Variants in CACNB3 observed in about 807,000 individuals in gnomAD.
CACNB3 encodes the protein calcium voltage-gated channel auxiliary subunit beta 3.
In CACNB3, 36 loss-of-function variants were observed where a neutral mutation model predicts 63.7. The observed-to-expected ratio is 0.57, with a 90% CI of 0.43 to 0.75. The LOEUF is 0.75. CACNB3 is among the 30% of genes least tolerant of loss of function. CACNB3 has a pLI of 0.00. For missense variants in CACNB3, 493 were observed against 648.6 expected (o/e 0.76, Z 2.61); for synonymous variants, 241 against 250.6 (o/e 0.96, Z 0.36).
chr12:48,822,373 CTG>C (rs887553508), intron 1 of CACNB3, among the ~76,000 whole-genome samples: 26 of 152,200 alleles, frequency 1.7e-4, no homozygotes, highest in Admixed American at 1.2e-3. Flanking sequence ...AGGCTGAACT[CTG>C]TGACCGTCAA....
intron 1 of CACNB3, chr12:48,819,986 G>A (rs1372193821): frequency 4.3e-6 from 1 of 234,014 alleles, no homozygotes; most frequent in Non-Finnish European, 8.8e-6. Context: ...TGGCTTGGAA[G>A]GGGCCCCAAT....
At chr12:48,821,898 A>G (rs1157743262) in intron 1 of CACNB3, among the ~76,000 whole-genome samples, 5 of 152,182 alleles carry the variant, frequency 3.3e-5, no homozygotes, top group African/African-American at 1.2e-4. Flanking sequence ...GGTCTACTAT[A>G]GACACTGTCT....
In CACNB3 at chr12:48,827,748, A is replaced by C. The variant is rs1592195082; in HGVS notation, c.1304A>C (p.Asp435Ala). 1.2e-6 allele frequency: 2 copies of C among 1,614,116 alleles called. No individual in the cohort carries two copies. The highest frequency in any genetic ancestry group is 1.7e-6 in the Non-Finnish European group (2 of 1,180,006). Residue 435 changes from aspartate (D) to alanine (A), a missense_variant, in exon 13 of 13, where the codon GAC becomes GCC. Physicochemically the swap from Asp to Ala is moderately radical, Grantham distance 126 (BLOSUM62 -2). Transcript: ENST00000301050. ...GAGGACTATGCAGATGCCTACCAGGACCTGTACCAGCCTCACCGCCAACAC... is the reference window on the plus strand; with the variant it reads ...GAGGACTATGCAGATGCCTACCAGGCCCTGTACCAGCCTCACCGCCAACAC... ...LEEDYADAYQ[D>A]LYQPHRQHTS... is the part of the protein sequence containing the mutation.
In CACNB3 at chr12:48,818,793, GCT is replaced by G; in HGVS notation, c.-131_-130del. The G allele has an allele frequency of 7.4e-7, 1 of 1,354,536 alleles. No individual in the cohort carries two copies. The highest frequency in any genetic ancestry group is 1.6e-5 in the African/African-American group (1 of 64,324). The allele number at this position is 1,354,536 out of a possible 1,614,324, so 83.9% of individuals were successfully genotyped here. A position where few individuals can be genotyped will look rare whatever the true frequency, so the allele number is the denominator to read the frequency against. On this transcript the variant is annotated 5_prime_UTR_variant, in exon 1 of 13. Transcript: ENST00000301050. The surrounding 1 kb of genome is among the most constrained non-coding windows in gnomAD (Gnocchi z 4.3). ...CTTCGCGGCTCGCTCCCTCCTTCGC[GCT>G]CTCTCGCTCCCTGCCGCCGCCCGCA...
rs1938268759 is a variant in CACNB3, at chr12:48,828,481, G to C, written c.*582G>C. 8.5e-6 allele frequency: 3 copies of C among 352,302 alleles called. No individual in the cohort carries two copies. Among genetic ancestry groups the C allele is most frequent in the Non-Finnish European group, 1.7e-5 (3 of 177,762 alleles). 21.8% of individuals were successfully genotyped at this position (352,302 alleles called of 1,614,324 possible). On this transcript the variant is annotated 3_prime_UTR_variant, in exon 13 of 13. Coordinates refer to ENST00000301050, the MANE Select transcript of CACNB3 (RefSeq NM_000725.4). ...ACATCCAAGACTGGAGCAGCAGGCT[G>C]GCCACGCTCGGGCCAGAGAGAGCTC...
At chr12:48,824,053 CT>C (rs1224564006) in intron 3 of CACNB3, 8 of 661,404 alleles carry the variant, frequency 1.2e-5, no homozygotes, top group East Asian at 1.1e-4. Context: ...CCGAGGTCCC[CT>C]GTGACAGCTG....
intron 4 of CACNB3, 34 bp downstream of exon 4, chr12:48,824,407 C>A: frequency 1.3e-6 from 2 of 1,540,416 alleles, no homozygotes; most frequent in Non-Finnish European, 8.8e-7. Flanking sequence ...TAAACACACC[C>A]CAAACACTTG....
At position 48,823,392 on chromosome 12, in the gene CACNB3, T is replaced by C; in HGVS notation, c.94T>C (p.Ser32Pro). 6.2e-7 allele frequency: 1 copy of C among 1,614,070 alleles called. No homozygotes were observed. Among genetic ancestry groups the C allele is most frequent in the South Asian group, 1.1e-5 (1 of 91,072 alleles). ...TSRPSLDSDV[S>P]LEEDRESARR... is the part of the protein sequence containing the mutation. ...CCGCCCATCTCTGGACTCAGACGTC[T>C]CCCTGGAGGAGGACCGGGAGAGTGC... Residue 32 changes from serine (S) to proline (P), a missense_variant, in exon 2 of 13, where the codon TCC becomes CCC. Coordinates refer to ENST00000301050, the MANE Select transcript of CACNB3 (RefSeq NM_000725.4). This position sits in a 1 kb window ranked among gnomAD's most constrained non-coding sequence, Gnocchi z 4.2.
At position 48,827,653 on chromosome 12, in the gene CACNB3, T is replaced by C. The variant is rs756322593; in HGVS notation, c.1209T>C (p.Ser403=). The part of the protein sequence containing the change: ...SPLERDSLMP[S]DEASESSRQA... Reference sequence around the variant, plus strand: ...TTGAGCGGGACAGCTTGATGCCCTCTGATGAGGCCAGCGAGAGCTCCCGCC... The same window carrying C: ...TTGAGCGGGACAGCTTGATGCCCTCCGATGAGGCCAGCGAGAGCTCCCGCC... The change falls in exon 13 of 13, where the codon TCT becomes TCC. Residue 403 remains serine (S), a synonymous_variant. Coordinates refer to ENST00000301050, the MANE Select transcript of CACNB3 (RefSeq NM_000725.4). 1.1e-4 allele frequency: 175 copies of C among 1,613,674 alleles called. No homozygotes were observed. The highest frequency in any genetic ancestry group is 1.6e-4 in the Middle Eastern group (1 of 6,084).
upstream of CACNB3, chr12:48,815,346 AG>A (rs1942259400): frequency 3.7e-5 from 13 of 355,314 alleles, 2 homozygotes; most frequent in South Asian, 4.0e-4. Context: ...CCGAGGAGCG[AG>A]GGTGCGACGT....
chr12:48,824,551 C>A, intron 4 of CACNB3, 118 bp from the exon 5 acceptor site: 2 of 1,116,338 alleles, frequency 1.8e-6, no homozygotes, highest in Non-Finnish European at 2.6e-6. Flanking sequence ...ATTGCATGTA[C>A]ACCTGTCTCA....
intron 1 of CACNB3, among the ~76,000 whole-genome samples, chr12:48,821,645 C>G (rs1051997676): frequency 2.6e-5 from 4 of 152,148 alleles, no homozygotes; most frequent in Non-Finnish European, 5.9e-5. Context: ...TCCTGCCTCC[C>G]AGTCTGTTGG....
chr12:48,823,058 A>T lies in CACNB3; in HGVS notation c.46-286A>T, dbSNP rs1937938156. Among the ~76,000 whole-genome samples the T allele has an allele frequency of 6.6e-6, 1 of 152,164 alleles. No homozygotes were observed. Among genetic ancestry groups the T allele is most frequent in the Non-Finnish European group, 1.5e-5 (1 of 68,030 alleles). ...CTCAGAGGACATGTTAGAGGGGAGA[A>T]AAGGGAGGAAAGAGAGAAGTGAAGG... On this transcript the variant is annotated intron_variant, in intron 1 of 12. Transcript: ENST00000301050. The surrounding 1 kb of genome is among the most constrained non-coding windows in gnomAD (Gnocchi z 4.2).
At chr12:48,824,895 C>G in intron 5 of CACNB3, 54 bp from the exon 6 acceptor site, 2 of 1,606,720 alleles carry the variant, frequency 1.2e-6, no homozygotes, top group Non-Finnish European at 1.7e-6. Context: ...ACCATGCCCC[C>G]AGGGACCTTT....
Position 48,823,670 on chromosome 12 carries a change from A to G in CACNB3, c.169-11A>G. On this transcript the variant is annotated splice_polypyrimidine_tract_variant and intron_variant, in intron 2 of 12. Coordinates refer to ENST00000301050, the MANE Select transcript of CACNB3 (RefSeq NM_000725.4). The surrounding 1 kb of genome is among the most constrained non-coding windows in gnomAD (Gnocchi z 4.2). ...CCTTCTCTCACTTGCACTAATGGGCAAATTCTCCAGCACAAACCTGTGGCA... is the reference window on the plus strand; with the variant it reads ...CCTTCTCTCACTTGCACTAATGGGCGAATTCTCCAGCACAAACCTGTGGCA... The G allele has an allele frequency of 6.2e-7, 1 of 1,614,130 alleles. No homozygotes were observed. The highest frequency in any genetic ancestry group is 8.5e-7 in the Non-Finnish European group (1 of 1,180,000).
chr12:48,819,768 G>A (rs1188113528), intron 1 of CACNB3: 4 of 421,786 alleles, frequency 9.5e-6, no homozygotes, highest in African/African-American at 4.1e-5. Context: ...ACAGGCAACC[G>A]ATAAATATTT....
At chr12:48,814,631 C>T, upstream of CACNB3, 1 of 1,368,220 alleles carries the variant, frequency 7.3e-7, no homozygotes, top group Non-Finnish European at 9.7e-7. This position sits in a 1 kb window ranked among gnomAD's most constrained non-coding sequence, Gnocchi z 6.9. Flanking sequence ...TAGAGCGCAG[C>T]CTGGGGTCTC....
At position 48,826,525 on chromosome 12, in the gene CACNB3, C is replaced by T; in HGVS notation, c.894+7C>T. On this transcript the variant is annotated splice_region_variant and intron_variant, in intron 10 of 12. Coordinates refer to ENST00000301050, the MANE Select transcript of CACNB3 (RefSeq NM_000725.4). This position sits in a 1 kb window ranked among gnomAD's most constrained non-coding sequence, Gnocchi z 4.8. ...CAAAGTGTCCTCACCAAAGGTAAGT[C>T]AGCTGGGCTCATGGAGGAGGCCCAC... 6.2e-7 allele frequency: 1 copy of T among 1,613,722 alleles called. No homozygotes were observed. Among genetic ancestry groups the T allele is most frequent in the Non-Finnish European group, 8.5e-7 (1 of 1,179,790 alleles).
At chr12:48,815,812 G>A, upstream of CACNB3, 1 of 942,164 alleles carries the variant, frequency 1.1e-6, no homozygotes, top group South Asian at 1.4e-5. Context: ...TAGGAAGGGG[G>A]CACGCGTTTG....
Sources: gnomAD v4.1 joint callset for allele counts (sites outside exome capture counted in the v4.1 genomes callset) on GRCh38, gnomAD v4.1.1 for gene constraint, Gnocchi (gnomAD v3.1) non-coding constraint, MANE v1.5 for transcripts, NCBI Gene and HGNC (gene_info 2026-07-23, HGNC 2026-07-21) for gene names.